SBNO1: variants seen among roughly 807,000 people sequenced by gnomAD.
The protein encoded by SBNO1 is strawberry notch homolog 1.
Under a neutral mutation model 173.6 loss-of-function variants are expected in SBNO1, and 23 were observed. The observed-to-expected ratio is 0.13, with a 90% CI of 0.10 to 0.19. The LOEUF (loss-of-function observed/expected upper bound fraction) is 0.19, where lower values mean the gene tolerates loss of function less well. SBNO1 is among the 10% of genes least tolerant of loss of function. SBNO1 has a pLI of 1.00. For synonymous variants in SBNO1, 632 were observed against 571.5 expected (o/e 1.11, Z -1.51); for missense variants, 1,238 against 1,671.2 (o/e 0.74, Z 4.52).
chr12:123,300,975 A>G (rs373523356), intron 30 of SBNO1, among the ~76,000 whole-genome samples: 156 of 148,996 alleles, frequency 1.0e-3, no homozygotes, highest in East Asian at 5.3e-3. Flanking sequence ...AAAAACAAAA[A>G]AAAACAAAAA....
Position 123,321,527 on chromosome 12 carries a change from G to T in SBNO1, c.2323+8C>A. 1 of 1,589,506 alleles carries T rather than the reference G, an allele frequency of 6.3e-7. No homozygotes were observed. The highest frequency in any genetic ancestry group is 1.1e-5 in the South Asian group (1 of 90,484). On this transcript the variant is annotated splice_region_variant and intron_variant, in intron 17 of 31. Coordinates refer to ENST00000602398, the MANE Select transcript of SBNO1 (RefSeq NM_001167856.3). ...TGCTTTCGTGTATATTTAATATACT[G>T]AACTTACCATTTTCATCATCCTCAT...
At chr12:123,361,729 T>TAAAAA (rs10649364) in intron 1 of SBNO1, among the ~76,000 whole-genome samples, 4 of 133,764 alleles carry the variant, frequency 3.0e-5, no homozygotes, top group African/African-American at 1.1e-4. Flanking sequence ...CAAGACAGTC[T>TAAAAA]AAAAAAAAAA....
At chr12:123,302,577 G>A (rs1156338184) in intron 30 of SBNO1, among the ~76,000 whole-genome samples, 1 of 152,138 alleles carries the variant, frequency 6.6e-6, no homozygotes, top group Non-Finnish European at 1.5e-5. Context: ...AAGGATAACT[G>A]TTAAGGTCAT....
intron 1 of SBNO1, among the ~76,000 whole-genome samples, chr12:123,358,315 G>C (rs377057961): frequency 6.6e-6 from 1 of 152,192 alleles, no homozygotes; most frequent in African/African-American, 2.4e-5. Context: ...TTCAGATTTT[G>C]AACATTTCAG....
At position 123,327,455 on chromosome 12, in the gene SBNO1, C is replaced by T. The variant is rs538110808; in HGVS notation, c.1663G>A (p.Val555Ile). ...TTGACAGCTTTGTTATACATTTTAA[C>T]GTAGCTCTGAGAAAGAAGAACTTCC... is the stretch of plus-strand genomic sequence containing the variant. ...IEEVLLSQSYVKMYNKAVKLW... is the reference protein window; with the variant it reads ...IEEVLLSQSYIKMYNKAVKLW... The change falls in exon 13 of 32, where the codon GTT (valine) becomes ATT (isoleucine). Residue 555 changes from valine (V) to isoleucine (I), a missense_variant. Transcript: ENST00000602398. The T allele has an allele frequency of 7.4e-6, 12 of 1,613,742 alleles. No homozygotes were observed. Among genetic ancestry groups the T allele is most frequent in the South Asian group, 1.1e-5 (1 of 91,012 alleles).
At chr12:123,349,862 G>A (rs1873673775) in intron 2 of SBNO1, among the ~76,000 whole-genome samples, 1 of 151,922 alleles carries the variant, frequency 6.6e-6, no homozygotes. Context: ...GCAGTGAGCT[G>A]AGATTGCGCC....
Position 123,364,785 on chromosome 12 carries a change from G to C in SBNO1, c.-85C>G. On this transcript the variant is annotated 5_prime_UTR_variant, in exon 1 of 32. Transcript: ENST00000602398. ...CAGAGGCGACTGGAGCGGAGGCGGC[G>C]GTGGCGGCGGCAGCAGCGGCGTCCT... 1 of 987,642 alleles carries C rather than the reference G, an allele frequency of 1.0e-6. No individual in the cohort carries two copies. Among genetic ancestry groups the C allele is most frequent in the South Asian group, 4.6e-5 (1 of 21,822 alleles). The allele number at this position is 987,642 out of a possible 1,614,324, so 61.2% of individuals were successfully genotyped here.
At chr12:123,315,118 C>G (rs1402400372) in intron 23 of SBNO1, among the ~76,000 whole-genome samples, 1 of 152,196 alleles carries the variant, frequency 6.6e-6, no homozygotes, top group African/African-American at 2.4e-5. Flanking sequence ...TCCTTTGCTT[C>G]TGAGAACTCA....
chr12:123,321,887 T>G (rs1870015254), intron 16 of SBNO1, among the ~76,000 whole-genome samples, 155 bp from the exon 17 acceptor site: 1 of 152,224 alleles, frequency 6.6e-6, no homozygotes, highest in Non-Finnish European at 1.5e-5. Context: ...AAACCAGCAC[T>G]AACCTTTTGG....
At chr12:123,322,300 T>A (rs747890969) in intron 16 of SBNO1, among the ~76,000 whole-genome samples, 10 of 145,548 alleles carry the variant, frequency 6.9e-5, no homozygotes, top group Non-Finnish European at 1.4e-4. Context: ...GACCAGATAT[T>A]TTTTTTTTTT....
intron 1 of SBNO1, among the ~76,000 whole-genome samples, chr12:123,361,080 C>T (rs1875101643): frequency 6.6e-6 from 1 of 152,100 alleles, no homozygotes; most frequent in Non-Finnish European, 1.5e-5. Flanking sequence ...CTCGTCTCTG[C>T]TAAAAATACA....
rs537559963 is a variant in SBNO1 at position 123,359,511 on chromosome 12, C to T, written c.-1+5190G>A. On this transcript the variant is annotated intron_variant, in intron 1 of 31. Coordinates refer to ENST00000602398, the MANE Select transcript of SBNO1 (RefSeq NM_001167856.3). Reference sequence around the variant, plus strand: ...CAGGAGGTGGAGGTTGCCAAGATCGCACTCGTGCACTCCAGACTGGGCAAC... The same window carrying T: ...CAGGAGGTGGAGGTTGCCAAGATCGTACTCGTGCACTCCAGACTGGGCAAC... Among the ~76,000 whole-genome samples, 12 of 148,454 alleles carry T rather than the reference C, an allele frequency of 8.1e-5. No homozygotes were observed. In the South Asian group the frequency reaches 2.5e-3, roughly 31 times the overall value.
At chr12:123,336,007 G>A (rs1871795867) in intron 6 of SBNO1, among the ~76,000 whole-genome samples, 1 of 152,130 alleles carries the variant, frequency 6.6e-6, no homozygotes, top group Non-Finnish European at 1.5e-5. Context: ...TAATGAAAAA[G>A]TGAAAATTTT....
chr12:123,349,803 T>C (rs1388084126), intron 2 of SBNO1, among the ~76,000 whole-genome samples: 1 of 151,726 alleles, frequency 6.6e-6, no homozygotes, highest in Non-Finnish European at 1.5e-5. Flanking sequence ...TAATCCCAAC[T>C]ACTCAGGAGG....
chr12:123,320,447 A>C lies in SBNO1; in HGVS notation c.2652T>G (p.Pro884=), dbSNP rs139601546. The part of the protein sequence containing the change: ...LDELIDELGG[P]ENVAEMTGRK... ...GCCTATTTACCTCAGCAACGTTCTC[A>C]GGGCCACCAAGTTCATCGATAAGTT... The change falls in exon 19 of 32, where the codon CCT becomes CCG. Residue 884 remains proline (P), a synonymous_variant. Coordinates refer to ENST00000602398, the MANE Select transcript of SBNO1 (RefSeq NM_001167856.3). 1 of 1,613,232 alleles carries C rather than the reference A, an allele frequency of 6.2e-7. No individual in the cohort carries two copies. The highest frequency in any genetic ancestry group is 1.3e-5 in the African/African-American group (1 of 74,994).
chr12:123,311,085 C>A lies in SBNO1; in HGVS notation c.3265G>T (p.Asp1089Tyr). 1 of 1,613,602 alleles carries A rather than the reference C, an allele frequency of 6.2e-7. No individual in the cohort carries two copies. Among genetic ancestry groups the A allele is most frequent in the Non-Finnish European group, 8.5e-7 (1 of 1,179,572 alleles). The part of the protein sequence containing the change: ...LIGVGLINVE[D>Y]RSGILTLDKD... ...TCGAGAGTAAGAATTCCCGAGCGATCTTCTACATTTATCAGGCCAACGCCT... is the reference window on the plus strand; with the variant it reads ...TCGAGAGTAAGAATTCCCGAGCGATATTCTACATTTATCAGGCCAACGCCT... The change falls in exon 25 of 32, where the codon GAT becomes TAT. Residue 1089 changes from aspartate (D) to tyrosine (Y), a missense_variant. Asp to Tyr is a radical substitution (Grantham distance 160, BLOSUM62 -3). Around this residue, in one of 14 missense-constraint regions of SBNO1, gnomAD observed 351 missense variants for 420.3 expected, o/e 0.84. Coordinates refer to ENST00000602398, the MANE Select transcript of SBNO1 (RefSeq NM_001167856.3).
intron 1 of SBNO1, among the ~76,000 whole-genome samples, chr12:123,351,095 C>G (rs1467971450): frequency 6.6e-6 from 1 of 151,952 alleles, no homozygotes; most frequent in Non-Finnish European, 1.5e-5. Context: ...GCACTCCAGC[C>G]TGGGTGACAG....
Position 123,315,399 on chromosome 12 carries a change from G to A in SBNO1, c.3094C>T (p.Leu1032=). 1 of 1,613,044 alleles carries A rather than the reference G, an allele frequency of 6.2e-7. No individual in the cohort carries two copies. The highest frequency in any genetic ancestry group is 1.3e-5 in the African/African-American group (1 of 75,030). ...TTATTATCAAAGTTGAACCTGCTCA[G>A]ATCTCTAGATTCTGTTGCCCTTCTA... The part of the protein sequence containing the change: ...GDRRATESRD[L]SRFNFDNKYG... The change falls in exon 23 of 32, where the codon CTG becomes TTG. Residue 1032 remains leucine, a synonymous_variant. Transcript: ENST00000602398.
At chr12:123,345,110 A>G (rs946282691) in intron 4 of SBNO1, 148 bp downstream of exon 4, 4 of 661,420 alleles carry the variant, frequency 6.0e-6, no homozygotes, top group Non-Finnish European at 1.0e-5. Flanking sequence ...CTTCCCTTGA[A>G]TTGTGTTAAA....
Sources: gnomAD v4.1 joint callset for allele counts (sites outside exome capture counted in the v4.1 genomes callset) on GRCh38, gnomAD v4.1.1 for gene constraint, gnomAD v4.1.1 regional missense constraint, MANE v1.5 for transcripts, NCBI Gene and HGNC (gene_info 2026-07-23, HGNC 2026-07-21) for gene names.